SYT1: variants seen among roughly 807,000 people sequenced by gnomAD.
SYT1 encodes the protein synaptotagmin 1.
In SYT1, 8 loss-of-function variants were observed where a neutral mutation model predicts 44.8. The observed-to-expected ratio is 0.18, with a 90% CI of 0.10 to 0.32. The LOEUF (loss-of-function observed/expected upper bound fraction) is 0.32. SYT1 is among the 10% of genes least tolerant of loss of function. The pLI, the probability that SYT1 is intolerant of heterozygous loss-of-function variation, is 1.00. For missense variants in SYT1, 286 were observed against 509.3 expected, an observed-to-expected ratio of 0.56 and a Z score of 4.22; for synonymous variants, 154 against 188.8, an observed-to-expected ratio of 0.82 and a Z score of 1.51.
intron 3 of SYT1, among the ~76,000 whole-genome samples, chr12:79,064,972 GA>G (rs1191624097): frequency 1.3e-5 from 2 of 148,214 alleles, no homozygotes; most frequent in African/African-American, 2.5e-5. Flanking sequence ...AAGAAAGAAA[GA>G]AAGAAAGAAA....
At chr12:79,373,545 A>T (rs1883876521) in intron 9 of SYT1, among the ~76,000 whole-genome samples, 1 of 152,174 alleles carries the variant, frequency 6.6e-6, no homozygotes, top group Non-Finnish European at 1.5e-5. Context: ...GTAGCAATTC[A>T]CAAGCATAAT....
At chr12:79,425,006 T>C (rs1464238673) in intron 9 of SYT1, among the ~76,000 whole-genome samples, 1 of 149,844 alleles carries the variant, frequency 6.7e-6, no homozygotes, top group Non-Finnish European at 1.5e-5. Context: ...AAAATTTCAG[T>C]GATAAAAATT....
chr12:79,448,883 T>G, intron 10 of SYT1, 35 bp from the exon 11 acceptor site: 1 of 1,602,782 alleles, frequency 6.2e-7, no homozygotes, highest in South Asian at 1.1e-5. Flanking sequence ...TCTCTAGAGC[T>G]AGATGATTCA....
chr12:79,390,677 G>A (rs1378651185), intron 9 of SYT1, among the ~76,000 whole-genome samples: 4 of 152,052 alleles, frequency 2.6e-5, no homozygotes, highest in African/African-American at 2.4e-5. Flanking sequence ...CCATAATTTT[G>A]TCTAGCTCAA....
chr12:79,215,557 C>A (rs916575108), intron 3 of SYT1, among the ~76,000 whole-genome samples: 8 of 151,964 alleles, frequency 5.3e-5, no homozygotes, highest in Admixed American at 2.0e-4. Context: ...AGGCCAGGTG[C>A]GGTGGCTCAC....
At position 78,883,718 on chromosome 12, in the gene SYT1, T is replaced by A. The variant is rs1267569668; in HGVS notation, c.-217+18609T>A. Among the ~76,000 whole-genome samples, 5 of 151,886 alleles carry A rather than the reference T, an allele frequency of 3.3e-5. No homozygotes were observed. In the South Asian group the frequency reaches 1.0e-3, roughly 31 times the overall value. On this transcript the variant is annotated intron_variant, in intron 1 of 10. Coordinates refer to ENST00000261205, the MANE Select transcript of SYT1 (RefSeq NM_005639.3). Reference sequence around the variant, plus strand: ...TATCTCTGAAACAGATAATCATTCTTGACTTTCTCTTTTCCCTTTCACTTT... The same window carrying A: ...TATCTCTGAAACAGATAATCATTCTAGACTTTCTCTTTTCCCTTTCACTTT...
In SYT1 at chr12:79,367,738, G is replaced by A. The variant is rs766224274; in HGVS notation, c.928+14119G>A. Among the ~76,000 whole-genome samples the A allele has an allele frequency of 2.6e-5, 4 of 151,956 alleles. 1 individual carries two copies. The highest frequency in any genetic ancestry group is 5.9e-5 in the Non-Finnish European group (4 of 67,950). ...ATACGTCTGCCTTCTCCTTAAATCA[G>A]ATGAATTGCTCCACTTGCCGGTAGG... is the stretch of plus-strand genomic sequence containing the variant. On this transcript the variant is annotated intron_variant, in intron 9 of 10. Transcript: ENST00000261205.
chr12:79,431,513 A>ATTTTATTATTTAT (rs1555225314), intron 9 of SYT1, among the ~76,000 whole-genome samples: 2 of 142,702 alleles, frequency 1.4e-5, no homozygotes, highest in African/African-American at 5.3e-5. Flanking sequence ...ATTTTATTTT[A>ATTTTATTATTTAT]TTATTTATTT....
intron 9 of SYT1, among the ~76,000 whole-genome samples, chr12:79,408,349 C>A (rs1868311572): frequency 6.6e-6 from 1 of 152,084 alleles, no homozygotes; most frequent in Non-Finnish European, 1.5e-5. Context: ...CTGTGGGGAG[C>A]TTTTACTAAG....
intron 8 of SYT1, among the ~76,000 whole-genome samples, chr12:79,333,900 G>A (rs1881971419): frequency 6.6e-6 from 1 of 152,032 alleles, no homozygotes; most frequent in Non-Finnish European, 1.5e-5. Context: ...TTCTCAAATT[G>A]TGATTGTTTT....
rs74107303 is a variant in SYT1 at position 79,110,851 on chromosome 12, G to A, written c.-18+63489G>A. Among the ~76,000 whole-genome samples the A allele has an allele frequency of 2.3e-3, 356 of 152,094 alleles. 3 individuals are homozygous for A. Among genetic ancestry groups the A allele is most frequent in the African/African-American group, 7.4e-3 (307 of 41,504 alleles). The stretch of plus-strand genomic sequence containing the variant: ...AGTACGACCTGCAGTTATAATATGC[G>A]TTACTTCTTTTAATATTCACAATAA... On this transcript the variant is annotated intron_variant, in intron 3 of 10. Transcript: ENST00000261205.
At chr12:79,193,276 G>T (rs1018633661) in intron 3 of SYT1, among the ~76,000 whole-genome samples, 4 of 151,988 alleles carry the variant, frequency 2.6e-5, no homozygotes, top group Admixed American at 2.0e-4. Context: ...ATAATGCTAG[G>T]CAATAAGACA....
At chr12:79,100,598 T>C (rs941494594) in intron 3 of SYT1, among the ~76,000 whole-genome samples, 2 of 152,148 alleles carry the variant, frequency 1.3e-5, no homozygotes, top group African/African-American at 2.4e-5. Context: ...AAAATACTTA[T>C]TATCAGATGA....
chr12:79,094,789 A>T (rs1382288044), intron 3 of SYT1, among the ~76,000 whole-genome samples: 1 of 151,904 alleles, frequency 6.6e-6, no homozygotes, highest in African/African-American at 2.4e-5. Flanking sequence ...CACAGCCCTA[A>T]AACAAAGGTA....
chr12:78,892,251 G>T (rs983357479), intron 1 of SYT1, among the ~76,000 whole-genome samples: 3 of 151,580 alleles, frequency 2.0e-5, no homozygotes, highest in Non-Finnish European at 4.4e-5. Context: ...ATCTTATCAC[G>T]TTTTTAACAT....
rs56962075 is a variant in SYT1 at position 79,323,948 on chromosome 12, C to CTT, written c.810+24416_810+24417dup. On this transcript the variant is annotated intron_variant, in intron 8 of 10. Transcript: ENST00000261205. ...ATTATGGTATTTTTGTTTCTATTTT[C>CTT]TTTTTTTTTTTTTTTTTTTTGAGAT... Among the ~76,000 whole-genome samples the CTT allele has an allele frequency of 9.1e-3, 1,020 of 112,594 alleles. 24 individuals carry two copies. Among genetic ancestry groups the CTT allele is most frequent in the African/African-American group, 0.03 (902 of 30,110 alleles). The allele number at this position is 112,594 out of a possible 152,430, so 73.9% of individuals were successfully genotyped here. A position where few individuals can be genotyped will look rare whatever the true frequency, so the allele number is the denominator to read the frequency against.
At chr12:79,028,485 G>T (rs927604649) in intron 2 of SYT1, among the ~76,000 whole-genome samples, 1 of 151,334 alleles carries the variant, frequency 6.6e-6, no homozygotes, top group East Asian at 1.9e-4. Flanking sequence ...TCGTTACAGA[G>T]ACTGTAAACA....
At chr12:79,248,346 T>G (rs908705229) in intron 4 of SYT1, among the ~76,000 whole-genome samples, 2 of 152,158 alleles carry the variant, frequency 1.3e-5, no homozygotes, top group African/African-American at 4.8e-5. Context: ...ACGGAGAGAT[T>G]GGGTTGTGCA....
chr12:79,051,362 G>A (rs974325326), intron 3 of SYT1, among the ~76,000 whole-genome samples: 1 of 149,274 alleles, frequency 6.7e-6, no homozygotes. Flanking sequence ...TGTATAAAGA[G>A]AGCTCATTTA....
Sources: allele counts gnomAD v4.1 joint callset (sites outside exome capture counted in the v4.1 genomes callset), GRCh38; gene constraint gnomAD v4.1.1; transcripts MANE v1.5; gene names NCBI Gene and HGNC (gene_info 2026-07-23, HGNC 2026-07-21).